SOX5: variants seen among roughly 807,000 people sequenced by gnomAD.
The protein encoded by SOX5 is SRY-box transcription factor 5.
SOX5 carries 9 observed loss-of-function variants against 92.0 expected under a neutral mutation model. The ratio of observed to expected loss-of-function variants is 0.10; its 90% CI spans 0.06 to 0.17. SOX5 has a LOEUF of 0.17. SOX5 is among the 10% of genes least tolerant of loss of function. The pLI is 1.00. For missense variants in SOX5, 642 were observed against 944.5 expected, an observed-to-expected ratio of 0.68 and a Z score of 4.20; for synonymous variants, 344 against 336.3, an observed-to-expected ratio of 1.02 and a Z score of -0.25.
chr12:24,439,697 A>C (rs1012377511), intron 1 of SOX5, among the ~76,000 whole-genome samples: 11 of 152,176 alleles, frequency 7.2e-5, no homozygotes, highest in Admixed American at 6.6e-5. Context: ...GATTGAGGCC[A>C]TCCTGGCTAA....
intron 4 of SOX5, among the ~76,000 whole-genome samples, chr12:24,110,900 CAAAAAAAAAAA>C (rs67100585): frequency 0.12 from 3,361 of 27,618 alleles, 196 homozygotes; most frequent in African/African-American, 0.31. Flanking sequence ...GACTCCACTT[CAAAAAAAAAAA>C]AAAAAAAAAA....
In SOX5 at chr12:24,007,188, AATGTATATAAATGTATTT is replaced by A. The variant is rs1482501129; in HGVS notation, c.-1-111182_-1-111165del. Reference sequence around the variant, plus strand: ...ATTTATATATGTATTTATATATATAAATGTATATAAATGTATTTATATATATAAATGTATATAAATGTA... The same window carrying A: ...ATTTATATATGTATTTATATATATAAATATATATAAATGTATATAAATGTA... On this transcript the variant is annotated intron_variant, in intron 4 of 4. Transcript: ENST00000446891. Among the ~76,000 whole-genome samples the A allele has an allele frequency of 2.9e-5, 2 of 68,602 alleles. 1 individual carries two copies. The highest frequency in any genetic ancestry group is 1.0e-4 in the African/African-American group (2 of 19,890). The allele number at this position is 68,602 out of a possible 152,430, so 45.0% of individuals were successfully genotyped here.
At position 24,393,394 on chromosome 12, in the gene SOX5, C is replaced by G. The variant is rs540732480; in HGVS notation, c.-250-24755G>C. On this transcript the variant is annotated intron_variant, in intron 1 of 4. Coordinates refer to the SOX5 transcript ENST00000446891. This position sits in a 1 kb window ranked among gnomAD's most constrained non-coding sequence, Gnocchi z 5.0. The stretch of plus-strand genomic sequence containing the variant: ...GACACAATTACAGGCCAATCAGGGT[C>G]GGAGATAACAGAATGACAATCCAGT... Among the ~76,000 whole-genome samples, 1 of 152,092 alleles carries G rather than the reference C, an allele frequency of 6.6e-6. No individual in the cohort carries two copies. Among genetic ancestry groups the G allele is most frequent in the Non-Finnish European group, 1.5e-5 (1 of 68,014 alleles).
chr12:23,921,002 T>C (rs1174177197), intron 1 of SOX5, among the ~76,000 whole-genome samples: 1 of 152,198 alleles, frequency 6.6e-6, no homozygotes, highest in Non-Finnish European at 1.5e-5. Flanking sequence ...CTATATTCTT[T>C]GGGCTAACAC....
At chr12:24,134,203 A>T (rs1949912720) in intron 4 of SOX5, among the ~76,000 whole-genome samples, 1 of 152,208 alleles carries the variant, frequency 6.6e-6, no homozygotes, top group Admixed American at 6.5e-5. Context: ...AGACAAAAAT[A>T]ATAAATTTTT....
At chr12:24,511,957 C>CAAAAAAA (rs11408941) in intron 1 of SOX5, among the ~76,000 whole-genome samples, 1 of 131,290 alleles carries the variant, frequency 7.6e-6, no homozygotes. Flanking sequence ...GACTCCATCT[C>CAAAAAAA]AAAAAAAAAA....
At chr12:24,418,430 G>T (rs574404354) in intron 1 of SOX5, among the ~76,000 whole-genome samples, 1 of 152,182 alleles carries the variant, frequency 6.6e-6, no homozygotes, top group Non-Finnish European at 1.5e-5. Context: ...ATGGGCATAC[G>T]ACACTATGTG....
chr12:23,889,748 T>G (rs1271809912), intron 2 of SOX5, among the ~76,000 whole-genome samples: 1 of 152,202 alleles, frequency 6.6e-6, no homozygotes, highest in African/African-American at 2.4e-5. Context: ...GGAAGAAAAC[T>G]GACTCACGGT....
chr12:23,598,550 C>G (rs1036168864), intron 9 of SOX5, among the ~76,000 whole-genome samples: 1 of 151,814 alleles, frequency 6.6e-6, no homozygotes, highest in Admixed American at 6.6e-5. Flanking sequence ...AGGCGCCTGC[C>G]ACCACGCCCG....
chr12:23,737,747 C>T (rs1567349879), intron 5 of SOX5, among the ~76,000 whole-genome samples: 4 of 151,956 alleles, frequency 2.6e-5, no homozygotes, highest in Admixed American at 2.6e-4. Flanking sequence ...ACCAAGGATG[C>T]TCCTGCCTCC....
At chr12:24,351,723 GAGAGTCAC>G (rs1382329684) in intron 2 of SOX5, among the ~76,000 whole-genome samples, 1 of 152,134 alleles carries the variant, frequency 6.6e-6, no homozygotes, top group African/African-American at 2.4e-5. Flanking sequence ...GAATACAATG[GAGAGTCAC>G]AGAGCAACAA....
rs115328370 is a variant in SOX5, at chr12:24,097,925, A to C, written c.-2+115418T>G. On this transcript the variant is annotated intron_variant, in intron 4 of 4. Coordinates refer to the SOX5 transcript ENST00000446891. Reference sequence around the variant, plus strand: ...TTTTAAGCATATATGTACTTCACTTAATTATCCTCACTGTTACAATTTTTT... The same window carrying C: ...TTTTAAGCATATATGTACTTCACTTCATTATCCTCACTGTTACAATTTTTT... Among the ~76,000 whole-genome samples, 663 of 152,168 alleles carry C rather than the reference A, an allele frequency of 4.4e-3. 4 individuals carry two copies. Among genetic ancestry groups the C allele is most frequent in the African/African-American group, 0.015 (615 of 41,532 alleles).
chr12:24,257,155 C>T (rs1941335378), intron 3 of SOX5, among the ~76,000 whole-genome samples: 3 of 152,256 alleles, frequency 2.0e-5, no homozygotes, highest in Admixed American at 2.0e-4. Flanking sequence ...ATGTTTCTTT[C>T]CTGCAAAGAA....
At chr12:24,293,312 G>A (rs951524433) in intron 2 of SOX5, among the ~76,000 whole-genome samples, 8 of 152,172 alleles carry the variant, frequency 5.3e-5, no homozygotes, top group Non-Finnish European at 1.2e-4. Context: ...CCAGAGAATG[G>A]GCTTAAGCTT....
intron 6 of SOX5, among the ~76,000 whole-genome samples, chr12:23,676,686 C>A (rs1012175069): frequency 2.0e-5 from 3 of 152,196 alleles, no homozygotes; most frequent in African/African-American, 7.2e-5. Flanking sequence ...AGACAATAAA[C>A]CTCTGAACTA....
chr12:23,566,536 C>T (rs1565872134), intron 10 of SOX5, among the ~76,000 whole-genome samples: 1 of 152,196 alleles, frequency 6.6e-6, no homozygotes, highest in Non-Finnish European at 1.5e-5. Context: ...CCTTCCTTCA[C>T]CTAATCCTTA....
At chr12:23,775,253 G>C (rs899477674) in intron 3 of SOX5, among the ~76,000 whole-genome samples, 1 of 152,132 alleles carries the variant, frequency 6.6e-6, no homozygotes, top group African/African-American at 2.4e-5. Context: ...GCCTTGCATG[G>C]TGCTGTGGTT....
intron 3 of SOX5, among the ~76,000 whole-genome samples, chr12:24,266,592 TTA>T (rs1318944314): frequency 6.6e-6 from 1 of 152,224 alleles, no homozygotes; most frequent in African/African-American, 2.4e-5. Flanking sequence ...ATCAAACATT[TTA>T]TGTTTATTCT....
chr12:24,240,902 A>G (rs1427383729), intron 3 of SOX5, among the ~76,000 whole-genome samples: 2 of 152,184 alleles, frequency 1.3e-5, no homozygotes, highest in African/African-American at 4.8e-5. Flanking sequence ...ATTTTTCTTA[A>G]TGACATCATT....
Sources: allele counts gnomAD v4.1 joint callset (sites outside exome capture counted in the v4.1 genomes callset), GRCh38; gene constraint gnomAD v4.1.1; non-coding constraint Gnocchi (gnomAD v3.1); transcripts MANE v1.5; gene names NCBI Gene and HGNC (gene_info 2026-07-23, HGNC 2026-07-21).